Variants in GRID1 observed in about 807,000 individuals in gnomAD.
GRID1 encodes glutamate receptor ionotropic, delta-1.
A neutral mutation model predicts 98.0 loss-of-function variants in GRID1; 28 were observed. The ratio of observed to expected loss-of-function variants is 0.29; its 90% CI spans 0.21 to 0.39. The LOEUF (loss-of-function observed/expected upper bound fraction) is 0.39. Ranked by LOEUF, GRID1 falls within the 10% of genes least tolerant of loss-of-function variation. The probability of loss-of-function intolerance (pLI) is 1.00; values close to 1 mark genes in which losing one functional copy is unlikely to be tolerated. For missense variants in GRID1, 1,111 were observed against 1,340.5 expected (o/e 0.83, Z 2.67); for synonymous variants, 553 against 538.5 (o/e 1.03, Z -0.37).
intron 10 of GRID1, among the ~76,000 whole-genome samples, chr10:85,726,801 T>A (rs999112625): frequency 1.3e-5 from 2 of 152,170 alleles, no homozygotes; most frequent in Non-Finnish European, 2.9e-5. Flanking sequence ...ATGAAAGATA[T>A]CAATGGCGTG....
At chr10:86,301,810 G>A (rs777603183) in intron 2 of GRID1, among the ~76,000 whole-genome samples, 6 of 152,194 alleles carry the variant, frequency 3.9e-5, no homozygotes, top group Non-Finnish European at 8.8e-5. Context: ...CCTTCTTAAG[G>A]CCTCAGTACT....
chr10:85,638,299 G>C (rs1843074266), intron 13 of GRID1, among the ~76,000 whole-genome samples: 1 of 152,132 alleles, frequency 6.6e-6, no homozygotes, highest in Admixed American at 6.5e-5. Context: ...TATATTAAAT[G>C]TAATAACGAT....
intron 2 of GRID1, among the ~76,000 whole-genome samples, chr10:86,314,631 G>A (rs558362150): frequency 7.9e-4 from 121 of 152,338 alleles, no homozygotes; most frequent in African/African-American, 2.8e-3. Flanking sequence ...GCTGCAAGAG[G>A]TGCCTGCTGC....
intron 12 of GRID1, among the ~76,000 whole-genome samples, chr10:85,706,182 G>A (rs1469417201): frequency 6.6e-6 from 1 of 152,210 alleles, no homozygotes; most frequent in East Asian, 1.9e-4. Context: ...GTCCCTGTTT[G>A]CAGATGACAT....
At chr10:85,716,108 T>G (rs1474837759) in intron 12 of GRID1, among the ~76,000 whole-genome samples, 1 of 152,138 alleles carries the variant, frequency 6.6e-6, no homozygotes, top group Admixed American at 6.5e-5. Flanking sequence ...GGTTTCACCA[T>G]GTTTGCCAGG....
chr10:86,153,543 G>A (rs1845199889), intron 3 of GRID1, among the ~76,000 whole-genome samples: 1 of 152,216 alleles, frequency 6.6e-6, no homozygotes, highest in African/African-American at 2.4e-5. Context: ...AATAATGGGT[G>A]TCATTGCTTC....
At chr10:85,858,790 C>T (rs1344218021) in intron 6 of GRID1, among the ~76,000 whole-genome samples, 1 of 152,174 alleles carries the variant, frequency 6.6e-6, no homozygotes, top group African/African-American at 2.4e-5. Flanking sequence ...CCCACCCATC[C>T]ACACACTCAC....
intron 3 of GRID1, among the ~76,000 whole-genome samples, chr10:86,182,334 T>G (rs750419497): frequency 2.0e-4 from 30 of 152,190 alleles, no homozygotes; most frequent in Non-Finnish European, 3.5e-4. Flanking sequence ...TGGGGGAGCC[T>G]CCACACTGCA....
intron 4 of GRID1, among the ~76,000 whole-genome samples, chr10:86,002,240 T>G (rs1842810955): frequency 2.0e-5 from 3 of 152,328 alleles, no homozygotes; most frequent in Middle Eastern, 3.4e-3. Flanking sequence ...TACCGACATT[T>G]CATAGAAAAT....
chr10:85,770,414 G>A (rs1024275812), intron 8 of GRID1, among the ~76,000 whole-genome samples: 2 of 152,188 alleles, frequency 1.3e-5, no homozygotes, highest in Non-Finnish European at 2.9e-5. Flanking sequence ...AAAAAGCAGA[G>A]CACCTCTCCT....
chr10:86,342,357 A>C (rs1848321798), intron 2 of GRID1, among the ~76,000 whole-genome samples: 1 of 152,142 alleles, frequency 6.6e-6, no homozygotes, highest in Non-Finnish European at 1.5e-5. Flanking sequence ...TGATGCCTCT[A>C]CCCCAGGTCC....
intron 3 of GRID1, among the ~76,000 whole-genome samples, chr10:86,172,166 C>T (rs965909497): frequency 3.3e-5 from 5 of 152,144 alleles, no homozygotes; most frequent in African/African-American, 1.2e-4. Context: ...ACTCCCCTAC[C>T]CCCATCCCAC....
chr10:85,615,909 G>C (rs1184311966), intron 14 of GRID1, among the ~76,000 whole-genome samples: 4 of 152,226 alleles, frequency 2.6e-5, no homozygotes, highest in Admixed American at 2.6e-4. Flanking sequence ...GCTATGGATA[G>C]ACAGTAGAGC....
chr10:86,353,356 C>T (rs989182891), intron 2 of GRID1, among the ~76,000 whole-genome samples: 1 of 152,258 alleles, frequency 6.6e-6, no homozygotes, highest in Non-Finnish European at 1.5e-5. Flanking sequence ...AGTCTTGGCT[C>T]TTTCTGCTAA....
At chr10:86,099,442 C>T (rs1225045188) in intron 4 of GRID1, among the ~76,000 whole-genome samples, 1 of 152,156 alleles carries the variant, frequency 6.6e-6, no homozygotes, top group Non-Finnish European at 1.5e-5. Context: ...ATCATCATGG[C>T]AGGGCCCTCA....
At chr10:85,918,677 G>A (rs1022968500) in intron 4 of GRID1, among the ~76,000 whole-genome samples, 4 of 152,188 alleles carry the variant, frequency 2.6e-5, no homozygotes, top group Non-Finnish European at 4.4e-5. Context: ...TTGACCTACA[G>A]CCAATGGCTC....
At chr10:86,157,894 C>T (rs1289803360) in intron 3 of GRID1, among the ~76,000 whole-genome samples, 1 of 152,238 alleles carries the variant, frequency 6.6e-6, no homozygotes, top group Non-Finnish European at 1.5e-5. Context: ...ATAAGTGTGG[C>T]TGCCTGAGCT....
At chr10:85,894,320 G>A (rs577303551) in intron 5 of GRID1, among the ~76,000 whole-genome samples, 154 of 152,080 alleles carry the variant, frequency 1.0e-3, no homozygotes, top group Middle Eastern at 3.4e-3. Context: ...AAAATTAACC[G>A]CCAATATACA....
At chr10:85,873,320 A>G (rs1269842091) in intron 5 of GRID1, among the ~76,000 whole-genome samples, 2 of 152,238 alleles carry the variant, frequency 1.3e-5, no homozygotes, top group Non-Finnish European at 2.9e-5. Context: ...AGTGCAGCCA[A>G]TGAGCAGAAG....
Sources: allele counts gnomAD v4.1 joint callset (sites outside exome capture counted in the v4.1 genomes callset), GRCh38; gene constraint gnomAD v4.1.1; transcripts MANE v1.5; gene names NCBI Gene and HGNC (gene_info 2026-07-23, HGNC 2026-07-21).